Variants in PANK3 observed in about 807,000 individuals in gnomAD.
PANK3 encodes the protein hPanK3.
A neutral mutation model predicts 39.4 loss-of-function variants in PANK3; 20 were observed. The observed-to-expected ratio is 0.51, with a 90% CI of 0.36 to 0.74. The LOEUF is 0.74. Among genes scored for constraint, PANK3 ranks in the 30% least tolerant of loss-of-function variants. PANK3 has a pLI of 0.00. For synonymous variants in PANK3, 140 were observed against 157.3 expected, an observed-to-expected ratio of 0.89 and a Z score of 0.82; for missense variants, 265 against 437.0, an observed-to-expected ratio of 0.61 and a Z score of 3.51.
At chr5:168,566,833 T>A (rs1224446550) in intron 2 of PANK3, among the ~76,000 whole-genome samples, 1 of 152,142 alleles carries the variant, frequency 6.6e-6, no homozygotes, top group Admixed American at 6.5e-5. Context: ...AACCTCCACC[T>A]CGTGGGTTCA....
At chr5:168,561,342 C>T (rs377686477) in intron 5 of PANK3, 51 bp downstream of exon 5, 21 of 1,510,492 alleles carry the variant, frequency 1.4e-5, no homozygotes, top group Non-Finnish European at 1.8e-5. Context: ...GTATATAGGA[C>T]TCCAATTCAC....
At chr5:168,577,026 G>A (rs1361023467) in intron 1 of PANK3, among the ~76,000 whole-genome samples, 4 of 151,942 alleles carry the variant, frequency 2.6e-5, no homozygotes, top group Admixed American at 1.3e-4. Flanking sequence ...GACTACAGGC[G>A]CGTGCCACCA....
Position 168,579,238 on chromosome 5 carries a change from C to A in PANK3, c.28+18G>T. 6.7e-7 allele frequency: 1 copy of A among 1,486,574 alleles called. No homozygotes were observed. The highest frequency in any genetic ancestry group is 1.3e-5 in the South Asian group (1 of 75,812). 92.1% of individuals were successfully genotyped at this position (1,486,574 alleles called of 1,614,324 possible). On this transcript the variant is annotated intron_variant, in intron 1 of 6. Transcript: ENST00000239231. ...AAGGGTGCCCTCCCAACCTGGCGGG[C>A]CCCAGCCCCCGTCTTACAGGGTTTC... is the stretch of plus-strand genomic sequence containing the variant.
chr5:168,578,158 T>C (rs1482085568), intron 1 of PANK3, among the ~76,000 whole-genome samples: 1 of 152,230 alleles, frequency 6.6e-6, no homozygotes, highest in African/African-American at 2.4e-5. Flanking sequence ...TAGCACATGG[T>C]TGGTACATGC....
At position 168,569,003 on chromosome 5, in the gene PANK3, G is replaced by A. The variant is rs1356280239; in HGVS notation, c.29-5C>T. 5 of 687,928 alleles carry A rather than the reference G, an allele frequency of 7.3e-6. No individual in the cohort carries two copies. Among genetic ancestry groups the A allele is most frequent in the Non-Finnish European group, 3.9e-6 (2 of 511,956 alleles). The allele number at this position is 687,928 out of a possible 1,614,324, so 42.6% of individuals were successfully genotyped here. A position where few individuals can be genotyped will look rare whatever the true frequency, so the allele number is the denominator to read the frequency against. On this transcript the variant is annotated splice_polypyrimidine_tract_variant and splice_region_variant and intron_variant, in intron 1 of 6. Coordinates refer to ENST00000239231, the MANE Select transcript of PANK3 (RefSeq NM_024594.4). ...CCATGCCAAACCATGGGAAAGCTAT[G>A]GGAGGAAAAAAAAAAAAAAAAAAAA...
chr5:168,565,894 T>A (rs1175761501), intron 3 of PANK3, 119 bp downstream of exon 3: 73 of 380,488 alleles, frequency 1.9e-4, no homozygotes, highest in African/African-American at 1.2e-3. Context: ...TATTTTTTTT[T>A]TTTGCTGTTG....
intron 1 of PANK3, chr5:168,578,530 T>G (rs1438761196): frequency 6.6e-6 from 1 of 152,018 alleles, no homozygotes; most frequent in East Asian, 1.9e-4. Context: ...GAATAAAAGG[T>G]TTTTAAAAGA....
chr5:168,572,412 G>C (rs1759654423), intron 1 of PANK3, among the ~76,000 whole-genome samples: 1 of 152,182 alleles, frequency 6.6e-6, no homozygotes, highest in East Asian at 1.9e-4. Context: ...AGTCCGAAAA[G>C]AGAGTCAGCA....
chr5:168,552,354 C>G lies in PANK3; in HGVS notation c.*5217G>C, dbSNP rs935552494. 3 of 152,230 alleles carry G rather than the reference C, an allele frequency of 2.0e-5. No homozygotes were observed. Among genetic ancestry groups the G allele is most frequent in the Non-Finnish European group, 4.4e-5 (3 of 68,056 alleles). 9.4% of individuals were successfully genotyped at this position (152,230 alleles called of 1,614,324 possible). ...GAACTATGCCCAGTTGACTCATACT[C>G]TCTCAAATGTGGTCTACTGGAAAGA... On this transcript the variant is annotated 3_prime_UTR_variant, in exon 7 of 7. Transcript: ENST00000239231.
Position 168,566,029 on chromosome 5 carries a change from G to T in PANK3, c.619C>A (p.Arg207=). The part of the protein sequence containing the change: ...LAVHSKDNYK[R]VTGTSLGGGT... The stretch of plus-strand genomic sequence containing the variant: ...GGTCACTACCTTGTCCCAGTCACTC[G>T]TTTATAGTTGTCTTTGGAATGGACT... The change falls in exon 3 of 7, where the codon CGA becomes AGA. Residue 207 remains arginine (R), a synonymous_variant. Coordinates refer to ENST00000239231, the MANE Select transcript of PANK3 (RefSeq NM_024594.4). 1 of 1,612,704 alleles carries T rather than the reference G, an allele frequency of 6.2e-7. No individual in the cohort carries two copies. The highest frequency in any genetic ancestry group is 8.5e-7 in the Non-Finnish European group (1 of 1,179,092).
chr5:168,572,486 T>A (rs575230198), intron 1 of PANK3, among the ~76,000 whole-genome samples: 2 of 151,590 alleles, frequency 1.3e-5, no homozygotes, highest in East Asian at 3.9e-4. Context: ...TTAGGAGCAA[T>A]GTTTTGAGGG....
At chr5:168,558,304 G>A (rs1261595224) in intron 6 of PANK3, among the ~76,000 whole-genome samples, 1 of 151,988 alleles carries the variant, frequency 6.6e-6, no homozygotes, top group Non-Finnish European at 1.5e-5. Context: ...GGGATTACAG[G>A]CGCCCGCCAC....
At chr5:168,571,329 A>G (rs1759627095) in intron 1 of PANK3, among the ~76,000 whole-genome samples, 1 of 152,196 alleles carries the variant, frequency 6.6e-6, no homozygotes, top group South Asian at 2.1e-4. Flanking sequence ...TACAGCTAAC[A>G]TTTACTGAGT....
chr5:168,579,258 G>A lies in PANK3; in HGVS notation c.26C>T (p.Pro9Leu). The change falls in exon 1 of 7, where the codon CCC (proline) becomes CTC (leucine). Residue 9 changes from proline (P) to leucine (L), a missense_variant and splice_region_variant. This residue lies in a region of PANK3 where 154 missense variants were observed against 256.8 expected (regional missense o/e 0.60). Coordinates refer to ENST00000239231, the MANE Select transcript of PANK3 (RefSeq NM_024594.4). ...GCGGGCCCCAGCCCCCGTCTTACAG[G>A]GTTTCTTGGCATCTTTGATCTTCAT... Reference protein sequence around the residue: MKIKDAKKPSFPWFGMDIG... With the variant: MKIKDAKKLSFPWFGMDIG... The A allele has an allele frequency of 1.3e-6, 2 of 1,499,204 alleles. No homozygotes were observed. Among genetic ancestry groups the A allele is most frequent in the Non-Finnish European group, 1.8e-6 (2 of 1,121,334 alleles). The allele number at this position is 1,499,204 out of a possible 1,614,324, so 92.9% of individuals were successfully genotyped here.
chr5:168,567,791 T>C (rs1759560850), intron 2 of PANK3, among the ~76,000 whole-genome samples: 1 of 152,150 alleles, frequency 6.6e-6, no homozygotes, highest in Admixed American at 6.5e-5. Flanking sequence ...AGCTAATTTT[T>C]TTATTTTTTG....
At chr5:168,573,645 C>A (rs980409279) in intron 1 of PANK3, among the ~76,000 whole-genome samples, 3 of 149,802 alleles carry the variant, frequency 2.0e-5, no homozygotes, top group African/African-American at 7.4e-5. Context: ...TTAGGTATAT[C>A]TCCCAATGCT....
chr5:168,569,030 A>AAAAAAATATATATATAT (rs1554125888), intron 1 of PANK3, 32 bp from the exon 2 acceptor site: 12 of 120,352 alleles, frequency 1.0e-4, no homozygotes, highest in Admixed American at 1.8e-4. Flanking sequence ...AAAAAAAAAA[A>AAAAAAATATATATATAT]ATATATATAT....
intron 5 of PANK3, among the ~76,000 whole-genome samples, chr5:168,560,682 C>G (rs528430202): frequency 6.6e-6 from 1 of 152,210 alleles, no homozygotes; most frequent in African/African-American, 2.4e-5. Flanking sequence ...AGGGTTCCTT[C>G]GAAAAGCGTA....
chr5:168,561,581 A>T (rs565752451), intron 4 of PANK3, 65 bp from the exon 5 acceptor site: 1 of 1,345,428 alleles, frequency 7.4e-7, no homozygotes, highest in Non-Finnish European at 9.9e-7. Context: ...GTATTAACAG[A>T]TATATCTACA....
Sources: gnomAD v4.1 joint callset for allele counts (sites outside exome capture counted in the v4.1 genomes callset) on GRCh38, gnomAD v4.1.1 for gene constraint, gnomAD v4.1.1 regional missense constraint, MANE v1.5 for transcripts, NCBI Gene and HGNC (gene_info 2026-07-23, HGNC 2026-07-21) for gene names.